The following FCAR variants were observed in gnomAD, a reference collection of about 807,000 sequenced individuals.
FCAR encodes immunoglobulin alpha Fc receptor.
FCAR carries 21 observed loss-of-function variants against 27.1 expected under a neutral mutation model. The observed-to-expected ratio is 0.77, with a 90% CI of 0.55 to 1.11. The LOEUF is 1.11. Among genes scored for constraint, FCAR ranks in the 50% most tolerant of loss-of-function variants. The pLI, the probability that FCAR is intolerant of heterozygous loss-of-function variation, is 0.00. For synonymous variants in FCAR, 134 were observed against 135.8 expected (o/e 0.99, Z 0.09); for missense variants, 404 against 358.4 (o/e 1.13, Z -1.03).
intron 2 of FCAR, among the ~76,000 whole-genome samples, chr19:54,882,783 A>G (rs967509142): frequency 2.1e-4 from 32 of 151,838 alleles, no homozygotes; most frequent in African/African-American, 7.3e-4. Context: ...TGTTCCTTTA[A>G]CTGTGATGTC....
chr19:54,888,566 G>A (rs1231445615), intron 4 of FCAR: 31 of 1,229,026 alleles, frequency 2.5e-5, no homozygotes, highest in African/African-American at 4.6e-5. Flanking sequence ...TTTATTTTCC[G>A]GGATAGAGTC....
At chr19:54,879,927 C>T (rs587694918) in intron 2 of FCAR, among the ~76,000 whole-genome samples, 14 of 152,244 alleles carry the variant, frequency 9.2e-5, no homozygotes, top group African/African-American at 2.6e-4. Flanking sequence ...CCTCGTGATC[C>T]GCCCGCCTTG....
Position 54,888,267 on chromosome 19 carries a change from A to T in FCAR, c.622A>T (p.Ser208Cys), listed in dbSNP as rs754382711. Residue 208 changes from serine (S) to cysteine (C), a missense_variant, in exon 4 of 5, where the codon AGT (serine) becomes TGT (cysteine). Ser to Cys is a moderately radical substitution (Grantham distance 112). Transcript: ENST00000355524. ...GAGCCCCTACCTGTGGTCCTTCCCC[A>T]GTAATGCCTTGGAGCTTGTGGTCAC... The part of the protein sequence containing the change: ...NRSPYLWSFP[S>C]NALELVVTDS... 1.2e-6 allele frequency: 2 copies of T among 1,614,156 alleles called. No homozygotes were observed. The highest frequency in any genetic ancestry group is 3.3e-5 in the Admixed American group (2 of 60,014).
rs141872581 is a variant in FCAR at position 54,878,207 on chromosome 19, G to A, written c.70+2842G>A. On this transcript the variant is annotated intron_variant, in intron 2 of 4. Transcript: ENST00000355524. ...GCTGGGATTACAGGTGTGAGCCACC[G>A]TGCCCAGCCTGCTAAGGATTGCTGT... Among the ~76,000 whole-genome samples the A allele has an allele frequency of 1.7e-3, 255 of 152,250 alleles. 2 individuals carry two copies. Among genetic ancestry groups the A allele is most frequent in the African/African-American group, 4.4e-3 (183 of 41,548 alleles).
At chr19:54,883,806 A>T (rs989927067) in intron 2 of FCAR, among the ~76,000 whole-genome samples, 1 of 152,036 alleles carries the variant, frequency 6.6e-6, no homozygotes, top group Admixed American at 6.6e-5. Context: ...TACAAAAAAA[A>T]ATTAGCCAGG....
chr19:54,883,429 G>A (rs1364381948), intron 2 of FCAR, among the ~76,000 whole-genome samples: 4 of 152,112 alleles, frequency 2.6e-5, no homozygotes, highest in African/African-American at 7.2e-5. Context: ...TTCTGCCCAC[G>A]GGGCTCCCTC....
At chr19:54,885,176 A>G (rs770310158) in intron 2 of FCAR, 59 bp from the exon 3 acceptor site, 23 of 1,427,238 alleles carry the variant, frequency 1.6e-5, no homozygotes, top group Non-Finnish European at 2.1e-5. Context: ...CCCACAGAGA[A>G]GGAAAGGAAT....
Position 54,891,300 on chromosome 19 carries a change from G to A in FCAR, c.*1437G>A, listed in dbSNP as rs1446200346. ...AAAATGTAAGGGTCCTACTTCCAGT[G>A]AAACTGAAGGGACTTAGGCCCACTT... On this transcript the variant is annotated 3_prime_UTR_variant, in exon 5 of 5. Coordinates refer to ENST00000355524, the MANE Select transcript of FCAR (RefSeq NM_002000.4). 6.6e-6 allele frequency: 1 copy of A among 152,112 alleles called. No homozygotes were observed. Among genetic ancestry groups the A allele is most frequent in the Admixed American group, 6.6e-5 (1 of 15,262 alleles). 9.4% of individuals were successfully genotyped at this position (152,112 alleles called of 1,614,324 possible).
intron 4 of FCAR, among the ~76,000 whole-genome samples, 194 bp from the exon 5 acceptor site, chr19:54,889,455 T>C (rs1026613136): frequency 2.0e-5 from 3 of 151,834 alleles, no homozygotes; most frequent in South Asian, 2.1e-4. Flanking sequence ...GGAAGCACAG[T>C]TCCTTGCCCG....
chr19:54,875,202 T>C, intron 1 of FCAR, 128 bp from the exon 2 acceptor site: 4 of 703,440 alleles, frequency 5.7e-6, no homozygotes, highest in East Asian at 2.7e-5. Flanking sequence ...CTCTTCTTTA[T>C]ATATCTGGTG....
At chr19:54,880,633 A>T (rs993000005) in intron 2 of FCAR, among the ~76,000 whole-genome samples, 2 of 152,192 alleles carry the variant, frequency 1.3e-5, no homozygotes, top group Non-Finnish European at 2.9e-5. Flanking sequence ...TTTTGAGTTG[A>T]TGGAGTTCTT....
At position 54,885,318 on chromosome 19, in the gene FCAR, A is replaced by T. The variant is rs751406997; in HGVS notation, c.154A>T (p.Ile52Phe). The change falls in exon 3 of 5, where the codon ATT becomes TTT. Residue 52 changes from isoleucine (I) to phenylalanine (F), a missense_variant. Coordinates refer to ENST00000355524, the MANE Select transcript of FCAR (RefSeq NM_002000.4). ...DGSVKIQCQA[I>F]REAYLTQLMI... ...ATCTGTGAAAATCCAGTGCCAGGCC[A>T]TTCGTGAAGCTTACCTGACCCAGCT... 2 of 1,613,974 alleles carry T rather than the reference A, an allele frequency of 1.2e-6. No individual in the cohort carries two copies. Among genetic ancestry groups the T allele is most frequent in the African/African-American group, 1.3e-5 (1 of 74,908 alleles).
At position 54,889,703 on chromosome 19, in the gene FCAR, G is replaced by A; in HGVS notation, c.704G>A (p.Gly235Glu). ...AACTTGATCCGCATGGCCGTGGCAG[G>A]ACTGGTCCTCGTGGCTCTCTTGGCC... ...TQNLIRMAVA[G>E]LVLVALLAIL... The change falls in exon 5 of 5, where the codon GGA (glycine) becomes GAA (glutamate). Residue 235 changes from glycine to glutamate, a missense_variant. Transcript: ENST00000355524. The A allele has an allele frequency of 6.2e-7, 1 of 1,614,168 alleles. No homozygotes were observed. The highest frequency in any genetic ancestry group is 8.5e-7 in the Non-Finnish European group (1 of 1,180,024).
chr19:54,879,915 G>A (rs587637162), intron 2 of FCAR, among the ~76,000 whole-genome samples: 3 of 152,122 alleles, frequency 2.0e-5, no homozygotes, highest in Non-Finnish European at 2.9e-5. Context: ...TCAATCTCCT[G>A]ACCTCGTGAT....
Position 54,890,807 on chromosome 19 carries a change from C to A in FCAR, c.*944C>A, listed in dbSNP as rs2067039437. 1 of 152,094 alleles carries A rather than the reference C, an allele frequency of 6.6e-6. No individual in the cohort carries two copies. Among genetic ancestry groups the A allele is most frequent in the South Asian group, 2.1e-4 (1 of 4,820 alleles). The allele number at this position is 152,094 out of a possible 1,614,324, so 9.4% of individuals were successfully genotyped here. On this transcript the variant is annotated 3_prime_UTR_variant, in exon 5 of 5. Coordinates refer to ENST00000355524, the MANE Select transcript of FCAR (RefSeq NM_002000.4). Reference sequence around the variant, plus strand: ...GCCAAATATATTCAATAACCCCCCTCCTTTATTTTTTTTTGTTGAAGTGAG... The same window carrying A: ...GCCAAATATATTCAATAACCCCCCTACTTTATTTTTTTTTGTTGAAGTGAG...
At chr19:54,882,612 T>C (rs1011988392) in intron 2 of FCAR, among the ~76,000 whole-genome samples, 1 of 151,432 alleles carries the variant, frequency 6.6e-6, no homozygotes, top group African/African-American at 2.4e-5. Flanking sequence ...CTAATTTTTG[T>C]ATGTTTAGTA....
intron 2 of FCAR, among the ~76,000 whole-genome samples, chr19:54,881,704 C>G (rs2066423345): frequency 6.6e-6 from 1 of 151,960 alleles, no homozygotes; most frequent in East Asian, 1.9e-4. Context: ...AACCCCGTCT[C>G]TACTGAAAAC....
In FCAR at chr19:54,877,977, G is replaced by A. The variant is rs184642417; in HGVS notation, c.70+2612G>A. Among the ~76,000 whole-genome samples the A allele has an allele frequency of 5.3e-3, 796 of 150,354 alleles. 7 individuals are homozygous for A. Among genetic ancestry groups the A allele is most frequent in the African/African-American group, 0.017 (695 of 40,824 alleles). ...GTCGCCCAGGCTGGAGTGCAGTGGCGCAATCTAGGCTCACTGCAAGCTCCG... is the reference window on the plus strand; with the variant it reads ...GTCGCCCAGGCTGGAGTGCAGTGGCACAATCTAGGCTCACTGCAAGCTCCG... On this transcript the variant is annotated intron_variant, in intron 2 of 4. Transcript: ENST00000355524.
intron 2 of FCAR, among the ~76,000 whole-genome samples, chr19:54,883,215 C>T (rs1437658512): frequency 6.7e-6 from 1 of 149,746 alleles, no homozygotes; most frequent in African/African-American, 2.5e-5. Context: ...TGGGGTTTCA[C>T]CATGTTTACC....
Sources: gnomAD v4.1 joint callset for allele counts (sites outside exome capture counted in the v4.1 genomes callset) on GRCh38, gnomAD v4.1.1 for gene constraint, MANE v1.5 for transcripts, NCBI Gene and HGNC (gene_info 2026-07-23, HGNC 2026-07-21) for gene names.